The following VIT variants were observed in gnomAD, a reference collection of about 807,000 sequenced individuals.
The protein encoded by VIT is vitrin.
In VIT, 99 loss-of-function variants were observed where a neutral mutation model predicts 78.0. The observed-to-expected ratio is 1.27, with a 90% confidence interval of 1.08 to 1.50. The LOEUF (loss-of-function observed/expected upper bound fraction) is 1.50, where lower values mean the gene tolerates loss of function less well. Ranked by LOEUF, VIT falls within the 40% of genes most tolerant of loss-of-function variation. The probability of loss-of-function intolerance (pLI) is 0.00; values close to 1 mark genes in which losing one functional copy is unlikely to be tolerated. For synonymous variants in VIT, 374 were observed against 334.3 expected, an observed-to-expected ratio of 1.12 and a Z score of -1.29; for missense variants, 1,126 against 875.3, an observed-to-expected ratio of 1.29 and a Z score of -3.61.
intron 3 of VIT, among the ~76,000 whole-genome samples, chr2:36,736,518 T>G (rs1178087218): frequency 2.0e-5 from 3 of 152,208 alleles, no homozygotes; most frequent in Non-Finnish European, 4.4e-5. Context: ...TCACACATAA[T>G]GAAGCTGCAG....
intron 3 of VIT, among the ~76,000 whole-genome samples, chr2:36,732,104 T>G (rs957936987): frequency 2.0e-5 from 3 of 152,226 alleles, no homozygotes; most frequent in African/African-American, 7.2e-5. Context: ...AAACAATGAT[T>G]AGGTTAATAT....
chr2:36,736,386 A>G (rs1326027295), intron 3 of VIT, among the ~76,000 whole-genome samples: 1 of 152,234 alleles, frequency 6.6e-6, no homozygotes, highest in Non-Finnish European at 1.5e-5. Context: ...ATACTGTAAT[A>G]AACACATCAT....
At chr2:36,766,377 T>G (rs1274179737) in intron 6 of VIT, among the ~76,000 whole-genome samples, 1 of 151,898 alleles carries the variant, frequency 6.6e-6, no homozygotes, top group African/African-American at 2.4e-5. Context: ...AAAAAAAAAT[T>G]TTAAATTAGG....
At chr2:36,795,976 A>G (rs1196260407) in intron 12 of VIT, among the ~76,000 whole-genome samples, 1 of 152,162 alleles carries the variant, frequency 6.6e-6, no homozygotes, top group Non-Finnish European at 1.5e-5. Context: ...AATTTGGTGC[A>G]TTCAGAAAAA....
At chr2:36,701,274 G>A (rs1269720554) in intron 1 of VIT, among the ~76,000 whole-genome samples, 1 of 152,146 alleles carries the variant, frequency 6.6e-6, no homozygotes, top group Admixed American at 6.5e-5. Context: ...CTGACTAGGG[G>A]GAGTTAGGTG....
chr2:36,732,148 C>T (rs4670168), intron 3 of VIT, among the ~76,000 whole-genome samples: 148,641 of 152,356 alleles, frequency 0.98, 72,623 homozygotes, highest in Middle Eastern at 1. Context: ...TGAATTCCTT[C>T]GGGCTGTTTC....
intron 4 of VIT, among the ~76,000 whole-genome samples, chr2:36,743,854 G>C (rs1239701667): frequency 1.3e-5 from 2 of 151,626 alleles, no homozygotes; most frequent in Non-Finnish European, 2.9e-5. Context: ...GTGCAGGTTT[G>C]TTACAAAGGC....
intron 12 of VIT, among the ~76,000 whole-genome samples, chr2:36,798,500 T>A (rs1666071422): frequency 6.6e-6 from 1 of 152,220 alleles, no homozygotes; most frequent in African/African-American, 2.4e-5. Flanking sequence ...CTCATGCCTG[T>A]AATCCCAGCA....
chr2:36,797,415 G>C (rs974361858), intron 12 of VIT, among the ~76,000 whole-genome samples: 5 of 152,210 alleles, frequency 3.3e-5, no homozygotes, highest in Non-Finnish European at 7.3e-5. Flanking sequence ...GAAAGGATGG[G>C]AGAAATGTGA....
At chr2:36,787,419 T>C (rs1665182094) in intron 12 of VIT, 143 bp downstream of exon 12, 2 of 1,173,432 alleles carry the variant, frequency 1.7e-6, no homozygotes, top group African/African-American at 3.1e-5. Flanking sequence ...CAAATGTAAA[T>C]GAAAAAACTG....
intron 2 of VIT, among the ~76,000 whole-genome samples, chr2:36,723,072 A>C (rs983073541): frequency 5.3e-5 from 8 of 151,942 alleles, no homozygotes; most frequent in African/African-American, 1.9e-4. Context: ...CTCCATTATT[A>C]ACATGTTAGT....
intron 10 of VIT, 92 bp downstream of exon 10, chr2:36,781,863 C>T: frequency 6.8e-7 from 1 of 1,477,170 alleles, no homozygotes; most frequent in Non-Finnish European, 9.4e-7. Flanking sequence ...GGCATAGCGG[C>T]CGAGCTCCAC....
At chr2:36,768,368 G>A (rs1669560290) in intron 7 of VIT, among the ~76,000 whole-genome samples, 1 of 152,100 alleles carries the variant, frequency 6.6e-6, no homozygotes, top group Non-Finnish European at 1.5e-5. Context: ...GGAGGCAGAG[G>A]TTCCAGTGAG....
intron 1 of VIT, among the ~76,000 whole-genome samples, chr2:36,703,293 C>T (rs753962441): frequency 3.3e-5 from 5 of 152,122 alleles, no homozygotes; most frequent in Non-Finnish European, 5.9e-5. Flanking sequence ...GGCATTTTCC[C>T]TCCTCTTTCC....
chr2:36,706,934 T>C (rs1665464499), intron 1 of VIT, among the ~76,000 whole-genome samples: 1 of 152,168 alleles, frequency 6.6e-6, no homozygotes, highest in South Asian at 2.1e-4. Context: ...GTTGGAGACC[T>C]GGGCTCTGTG....
chr2:36,766,490 C>T (rs1669438271), intron 6 of VIT, among the ~76,000 whole-genome samples: 1 of 152,086 alleles, frequency 6.6e-6, no homozygotes, highest in Non-Finnish European at 1.5e-5. Context: ...ATAATTGTGC[C>T]ACTGCACTGC....
At chr2:36,712,912 C>G (rs1466696997) in intron 1 of VIT, among the ~76,000 whole-genome samples, 1 of 152,188 alleles carries the variant, frequency 6.6e-6, no homozygotes, top group Non-Finnish European at 1.5e-5. Context: ...TGTTTTGTTT[C>G]CTCTTTAAAT....
chr2:36,804,317 C>T (rs1262087718), intron 13 of VIT, among the ~76,000 whole-genome samples: 1 of 152,220 alleles, frequency 6.6e-6, no homozygotes, highest in Non-Finnish European at 1.5e-5. Context: ...CCCAACCAGA[C>T]CTGTGCCCTT....
At chr2:36,805,327 AC>A in intron 13 of VIT, 110 bp from the exon 14 acceptor site, 22 of 1,194,496 alleles carry the variant, frequency 1.8e-5, no homozygotes, top group Non-Finnish European at 2.0e-5. Flanking sequence ...AAAAAAAAAA[AC>A]TAGGGAGGGA....
Sources: gnomAD v4.1 joint callset for allele counts (sites outside exome capture counted in the v4.1 genomes callset) on GRCh38, gnomAD v4.1.1 for gene constraint, MANE v1.5 for transcripts, NCBI Gene and HGNC (gene_info 2026-07-23, HGNC 2026-07-21) for gene names.